The following AFG2A variants were observed in gnomAD, a reference collection of about 807,000 sequenced individuals.
AFG2A encodes AAA ATPase AFG2A.
At chr4:123,240,163 C>T in the AFG2A span, among the ~76,000 whole-genome samples, 2,140 of 150,668 alleles carry the variant, frequency 0.014, 60 homozygotes, top group African/African-American at 0.048. Context: ...TACAGGAGCA[C>T]CCAGATTCAT....
the AFG2A span, among the ~76,000 whole-genome samples, chr4:123,293,401 T>G: frequency 1.3e-5 from 2 of 152,112 alleles, no homozygotes; most frequent in African/African-American, 4.8e-5. Flanking sequence ...GCACTCTAAT[T>G]AATTTTGTCC....
At chr4:123,056,031 G>C in the AFG2A span, among the ~76,000 whole-genome samples, 1 of 152,218 alleles carries the variant, frequency 6.6e-6, no homozygotes, top group Non-Finnish European at 1.5e-5. Context: ...AAGTAGACCT[G>C]CTTAGAGCTA....
the AFG2A span, among the ~76,000 whole-genome samples, chr4:122,962,250 T>C: frequency 1.8e-4 from 28 of 152,236 alleles, no homozygotes; most frequent in Non-Finnish European, 3.1e-4. Context: ...GGGCCATTGG[T>C]TGGGGACCCC....
the AFG2A span, among the ~76,000 whole-genome samples, chr4:122,932,574 C>T: frequency 1.3e-5 from 2 of 152,236 alleles, no homozygotes; most frequent in East Asian, 3.9e-4. Flanking sequence ...TTTGTCTCCC[C>T]TCCTGATATG....
At chr4:123,244,759 A>T in the AFG2A span, among the ~76,000 whole-genome samples, 1 of 152,200 alleles carries the variant, frequency 6.6e-6, no homozygotes, top group Non-Finnish European at 1.5e-5. Flanking sequence ...ACATATTCTG[A>T]GCAACATGTT....
the AFG2A span, among the ~76,000 whole-genome samples, chr4:123,159,007 A>G: frequency 1.2e-4 from 18 of 152,186 alleles, 1 homozygote; most frequent in Admixed American, 6.5e-4. Context: ...TAACCTTCTT[A>G]TTTTCAGATG....
At chr4:122,984,101 G>T in the AFG2A span, among the ~76,000 whole-genome samples, 1 of 152,114 alleles carries the variant, frequency 6.6e-6, no homozygotes, top group African/African-American at 2.4e-5. Flanking sequence ...ATCACACTAG[G>T]GATGTGTTTC....
chr4:122,956,050 CTT>C, the AFG2A span, among the ~76,000 whole-genome samples: 1 of 152,184 alleles, frequency 6.6e-6, no homozygotes, highest in Non-Finnish European at 1.5e-5. Flanking sequence ...TTACTAGAGA[CTT>C]TTTGACTTTC....
the AFG2A span, among the ~76,000 whole-genome samples, chr4:123,116,044 C>T: frequency 4.6e-5 from 7 of 151,924 alleles, no homozygotes; most frequent in Non-Finnish European, 8.8e-5. Context: ...GGACTACAGG[C>T]GGGTGCCACC....
At chr4:123,220,472 G>A in the AFG2A span, among the ~76,000 whole-genome samples, 1 of 151,788 alleles carries the variant, frequency 6.6e-6, no homozygotes, top group East Asian at 2.0e-4. Flanking sequence ...AAATTAGCTG[G>A]GTGTGGTGGT....
the AFG2A span, among the ~76,000 whole-genome samples, chr4:123,259,139 T>A: frequency 1.4e-4 from 22 of 152,334 alleles, no homozygotes; most frequent in East Asian, 4.2e-3. Context: ...AGTGCTGGGA[T>A]TACAGGCATG....
chr4:122,985,750 AT>A, the AFG2A span, among the ~76,000 whole-genome samples: 16,703 of 129,860 alleles, frequency 0.13, 997 homozygotes, highest in Middle Eastern at 0.28. Context: ...TATCTTTTGT[AT>A]TTTTTTTTTT....
the AFG2A span, among the ~76,000 whole-genome samples, chr4:122,926,364 C>A: frequency 6.6e-6 from 1 of 152,152 alleles, no homozygotes; most frequent in Non-Finnish European, 1.5e-5. Context: ...CTGTTAATGA[C>A]CAGCAAACAA....
the AFG2A span, among the ~76,000 whole-genome samples, chr4:123,269,818 A>C: frequency 6.6e-6 from 1 of 152,034 alleles, no homozygotes; most frequent in Non-Finnish European, 1.5e-5. Flanking sequence ...AAAGATGTAT[A>C]GTTTGTTTTG....
At chr4:123,037,079 TTATAAAAACTTCA>T in the AFG2A span, among the ~76,000 whole-genome samples, 18 of 152,066 alleles carry the variant, frequency 1.2e-4, no homozygotes, top group Non-Finnish European at 2.4e-4. Context: ...ACTTTAGAAC[TTATAAAAACTTCA>T]TTTGAATTGT....
chr4:123,043,418 T>A, the AFG2A span, among the ~76,000 whole-genome samples: 351 of 136,886 alleles, frequency 2.6e-3, 1 homozygote, highest in Non-Finnish European at 3.8e-3. Flanking sequence ...TTTGTCATCT[T>A]CTTCCACTTT....
At chr4:123,151,702 A>G in the AFG2A span, among the ~76,000 whole-genome samples, 1 of 152,210 alleles carries the variant, frequency 6.6e-6, no homozygotes, top group Non-Finnish European at 1.5e-5. Context: ...TAGTTCAACC[A>G]TTGTGGAAGA....
chr4:122,939,071 C>CTCTCTTTTTTTTTTTTTTTTTTTT, the AFG2A span, among the ~76,000 whole-genome samples: 47 of 76,210 alleles, frequency 6.2e-4, 22 homozygotes, highest in Non-Finnish European at 6.4e-4. Context: ...GGGATATGTT[C>CTCTCTTTTTTTTTTTTTTTTTTTT]TTTCTTTTTT....
chr4:123,097,302 A>G, the AFG2A span, among the ~76,000 whole-genome samples: 3 of 151,426 alleles, frequency 2.0e-5, no homozygotes, highest in East Asian at 1.9e-4. Flanking sequence ...TTCATTCTCC[A>G]TTTTTCCTAG....
Sources: allele counts gnomAD v4.1 joint callset (sites outside exome capture counted in the v4.1 genomes callset), GRCh38; gene constraint gnomAD v4.1.1; transcripts MANE v1.5; gene names NCBI Gene and HGNC (gene_info 2026-07-23, HGNC 2026-07-21).